The following ACP6 variants were observed in gnomAD, a reference collection of about 807,000 sequenced individuals.
The protein encoded by ACP6 is lysophosphatidic acid phosphatase type 6.
Under a neutral mutation model 48.1 loss-of-function variants are expected in ACP6, and 48 were observed. The ratio of observed to expected loss-of-function variants is 1.00; its 90% CI spans 0.79 to 1.27. The LOEUF is 1.27. Ranked by LOEUF, ACP6 falls within the 50% of genes most tolerant of loss-of-function variation. The probability of loss-of-function intolerance (pLI) is 0.00; values close to 1 mark genes in which losing one functional copy is unlikely to be tolerated. For missense variants in ACP6, 485 were observed against 529.1 expected, an observed-to-expected ratio of 0.92 and a Z score of 0.82; for synonymous variants, 172 against 204.2, an observed-to-expected ratio of 0.84 and a Z score of 1.34.
chr1:147,659,840 A>T (rs1474830498), intron 1 of ACP6, 65 bp from the exon 2 acceptor site: 1 of 1,570,268 alleles, frequency 6.4e-7, no homozygotes, highest in African/African-American at 1.3e-5. Flanking sequence ...TAGCATTAAC[A>T]TCTCAAGCAC....
chr1:147,657,776 A>G (rs1257131862), intron 4 of ACP6, among the ~76,000 whole-genome samples: 1 of 152,184 alleles, frequency 6.6e-6, no homozygotes, highest in Non-Finnish European at 1.5e-5. Flanking sequence ...AAGTAGCTAC[A>G]AAAGAAGCCA....
chr1:147,632,395 A>G (rs1553207506), intron 5 of ACP6, among the ~76,000 whole-genome samples: 1 of 152,152 alleles, frequency 6.6e-6, no homozygotes, highest in Non-Finnish European at 1.5e-5. Flanking sequence ...TAAATAAATG[A>G]GAGGGAAGAA....
chr1:147,652,713 A>G lies in ACP6; in HGVS notation c.781-164T>C. ...TAACAGGTCAAGAAGCTATGTCTCT[A>G]AAGCTCTTCCAAAGCTATTACTAGA... is the stretch of plus-strand genomic sequence containing the variant. On this transcript the variant is annotated intron_variant, in intron 6 of 9. Coordinates refer to ENST00000583509, the MANE Select transcript of ACP6 (RefSeq NM_016361.5). 3 of 1,454,130 alleles carry G rather than the reference A, an allele frequency of 2.1e-6. No individual in the cohort carries two copies. In the South Asian group the frequency reaches 3.5e-5, roughly 17 times the overall value. 90.1% of individuals were successfully genotyped at this position (1,454,130 alleles called of 1,614,324 possible).
rs587671908 is a variant in ACP6, at chr1:147,642,250, C to A, written c.*5173G>T. The A allele has an allele frequency of 2.6e-5, 4 of 152,304 alleles. No homozygotes were observed. The highest frequency in any genetic ancestry group is 6.5e-5 in the Admixed American group (1 of 15,294). 9.4% of individuals were successfully genotyped at this position (152,304 alleles called of 1,614,324 possible). ...AAGAGTTAAGTCAGCGTTCTGAACTCATTTATTCATTCGGTAAATCTTTGC... is the reference window on the plus strand; with the variant it reads ...AAGAGTTAAGTCAGCGTTCTGAACTAATTTATTCATTCGGTAAATCTTTGC... On this transcript the variant is annotated 3_prime_UTR_variant, in exon 10 of 10. Transcript: ENST00000583509.
chr1:147,636,174 G>A (rs1553207982), intron 5 of ACP6, among the ~76,000 whole-genome samples: 1 of 152,202 alleles, frequency 6.6e-6, no homozygotes, highest in African/African-American at 2.4e-5. Context: ...AAATGTGAAA[G>A]AGGCAAAGAG....
intron 6 of ACP6, among the ~76,000 whole-genome samples, chr1:147,653,905 C>G (rs1380373351): frequency 6.6e-6 from 1 of 152,086 alleles, no homozygotes. Context: ...CTACTCATCC[C>G]TCCCTACCCA....
intron 5 of ACP6, among the ~76,000 whole-genome samples, chr1:147,633,245 A>G (rs1336005391): frequency 6.6e-6 from 1 of 152,182 alleles, no homozygotes; most frequent in East Asian, 1.9e-4. Context: ...AGCCCTTCAG[A>G]TAGTTGAAAA....
intron 6 of ACP6, 106 bp downstream of exon 6, chr1:147,654,088 T>C: frequency 6.6e-7 from 1 of 1,525,384 alleles, no homozygotes. Context: ...CTTATCACAG[T>C]TGCCTTCAAA....
At chr1:147,648,215 C>T (rs782358266) in intron 9 of ACP6, 31 bp downstream of exon 9, 1 of 1,611,192 alleles carries the variant, frequency 6.2e-7, no homozygotes, top group South Asian at 1.1e-5. Flanking sequence ...GGGTGCCTCA[C>T]CACCACCCAA....
chr1:147,647,602 G>T, intron 9 of ACP6, 36 bp from the exon 10 acceptor site: 4 of 1,599,180 alleles, frequency 2.5e-6, no homozygotes, highest in Middle Eastern at 1.7e-4. Flanking sequence ...GTCCGCCGAG[G>T]AACCTGTCCT....
chr1:147,670,086 A>T lies in ACP6; in HGVS notation c.-38T>A. 6.8e-7 allele frequency: 1 copy of T among 1,463,356 alleles called. No homozygotes were observed. The allele number at this position is 1,463,356 out of a possible 1,614,324, so 90.6% of individuals were successfully genotyped here. A position where few individuals can be genotyped will look rare whatever the true frequency, so the allele number is the denominator to read the frequency against. On this transcript the variant is annotated 5_prime_UTR_variant, in exon 1 of 10. Transcript: ENST00000583509. ...TCGCTGCCCTCCGGGTTGAGGCTGC[A>T]GGAGGCAAACACAAGTCTTCTGCGG...
intron 1 of ACP6, among the ~76,000 whole-genome samples, chr1:147,668,399 T>G (rs74125744): frequency 0.085 from 12,591 of 147,646 alleles, 579 homozygotes; most frequent in African/African-American, 0.11. Context: ...TCTAAATCTT[T>G]TCCTAGTGCC....
chr1:147,667,102 G>GA (rs879953745), intron 1 of ACP6, among the ~76,000 whole-genome samples: 1 of 151,216 alleles, frequency 6.6e-6, no homozygotes, highest in Non-Finnish European at 1.5e-5. Context: ...TAATGATCAG[G>GA]AAAAAAAATG....
chr1:147,655,147 C>G lies in ACP6; in HGVS notation c.647+14G>C. On this transcript the variant is annotated intron_variant, in intron 5 of 9. Coordinates refer to ENST00000583509, the MANE Select transcript of ACP6 (RefSeq NM_016361.5). ...TTGTCCCCAACTGGTGAGCAAGAAC[C>G]CAGGGGCAGTTACCTGGTTCTCTGC... 1.3e-6 allele frequency: 2 copies of G among 1,590,330 alleles called. No homozygotes were observed. The highest frequency in any genetic ancestry group is 1.1e-5 in the South Asian group (1 of 87,412).
chr1:147,656,930 TTA>T (rs1557886700), intron 4 of ACP6, among the ~76,000 whole-genome samples: 1 of 152,150 alleles, frequency 6.6e-6, no homozygotes, highest in Non-Finnish European at 1.5e-5. Context: ...GTATTGGGTA[TTA>T]TGTCATCTAC....
At chr1:147,647,999 G>T in intron 9 of ACP6, 1 of 538,394 alleles carries the variant, frequency 1.9e-6, no homozygotes. Context: ...GAGAAGAGGA[G>T]GGGGACCCTG....
At chr1:147,637,234 G>A (rs1659322658), downstream of ACP6, among the ~76,000 whole-genome samples, 2 of 152,208 alleles carry the variant, frequency 1.3e-5, no homozygotes, top group African/African-American at 4.8e-5. Flanking sequence ...GATTCTCATG[G>A]TAGGCAGGGA....
At chr1:147,650,880 T>C (rs983968436) in intron 7 of ACP6, 2 of 152,182 alleles carry the variant, frequency 1.3e-5, no homozygotes, top group African/African-American at 4.8e-5. Context: ...CCACTTACTA[T>C]AGAAGAAAGA....
At chr1:147,652,908 G>A (rs1307835320) in intron 6 of ACP6, among the ~76,000 whole-genome samples, 1 of 152,212 alleles carries the variant, frequency 6.6e-6, no homozygotes, top group Non-Finnish European at 1.5e-5. Context: ...CTCACTGCAA[G>A]CTCCACCTCC....
Sources: gnomAD v4.1 joint callset for allele counts (sites outside exome capture counted in the v4.1 genomes callset) on GRCh38, gnomAD v4.1.1 for gene constraint, MANE v1.5 for transcripts, NCBI Gene and HGNC (gene_info 2026-07-23, HGNC 2026-07-21) for gene names.